Variants in ZFYVE28 observed in about 807,000 individuals in gnomAD.
ZFYVE28 encodes the protein zinc finger FYVE-type containing 28.
Under a neutral mutation model 82.1 loss-of-function variants are expected in ZFYVE28, and 40 were observed. The ratio of observed to expected loss-of-function variants is 0.49; its 90% confidence interval spans 0.38 to 0.63. The LOEUF (loss-of-function observed/expected upper bound fraction) is 0.63, where lower values mean the gene tolerates loss of function less well. ZFYVE28 is among the 30% of genes least tolerant of loss of function. ZFYVE28 has a pLI of 0.00. For synonymous variants in ZFYVE28, 612 were observed against 546.1 expected (o/e 1.12, Z -1.68); for missense variants, 1,321 against 1,242.1 (o/e 1.06, Z -0.96).
chr4:2,376,855 G>C (rs1728196167), intron 1 of ZFYVE28, among the ~76,000 whole-genome samples: 1 of 152,018 alleles, frequency 6.6e-6, no homozygotes, highest in African/African-American at 2.4e-5. Flanking sequence ...GAGCCCAGGA[G>C]GTTTAGGCTG....
chr4:2,375,672 G>A (rs1225740901), intron 1 of ZFYVE28, among the ~76,000 whole-genome samples: 1 of 152,056 alleles, frequency 6.6e-6, no homozygotes, highest in Non-Finnish European at 1.5e-5. Context: ...GCGGGACACA[G>A]GACTGTGCCG....
intron 8 of ZFYVE28, among the ~76,000 whole-genome samples, chr4:2,294,209 G>A (rs184138244): frequency 4.6e-5 from 7 of 152,016 alleles, no homozygotes; most frequent in Non-Finnish European, 7.4e-5. Flanking sequence ...TTATTATAAA[G>A]CTACCATATT....
chr4:2,272,546 G>A (rs563748441), intron 10 of ZFYVE28, among the ~76,000 whole-genome samples: 2 of 152,336 alleles, frequency 1.3e-5, no homozygotes, highest in East Asian at 3.9e-4. Flanking sequence ...GTGTGGGTAT[G>A]CGTGAGTACA....
chr4:2,337,415 C>A lies in ZFYVE28; in HGVS notation c.603G>T (p.Thr201=). The part of the protein sequence containing the change: ...QQEVIVLFCE[T]VERALDFGYL... ...AGCATCCCTGTGCTCACCTCTCCACCGTCTCGCAGAAGAGCACGATGACCT... is the reference window on the plus strand; with the variant it reads ...AGCATCCCTGTGCTCACCTCTCCACAGTCTCGCAGAAGAGCACGATGACCT... The change falls in exon 5 of 13, where the codon ACG becomes ACT. Residue 201 remains threonine, a synonymous_variant. Transcript: ENST00000290974. 6.2e-7 allele frequency: 1 copy of A among 1,605,134 alleles called. No homozygotes were observed. The highest frequency in any genetic ancestry group is 1.7e-5 in the Admixed American group (1 of 59,266).
chr4:2,277,143 G>A (rs972699895), intron 8 of ZFYVE28, among the ~76,000 whole-genome samples: 1 of 152,218 alleles, frequency 6.6e-6, no homozygotes, highest in African/African-American at 2.4e-5. Flanking sequence ...ATTTAGAAAG[G>A]TGAATTTTGT....
chr4:2,273,036 T>C, intron 10 of ZFYVE28, 137 bp downstream of exon 10: 6 of 714,246 alleles, frequency 8.4e-6, no homozygotes, highest in Non-Finnish European at 1.2e-5. Flanking sequence ...GGTCAGGGGA[T>C]CCTGGGGTCG....
chr4:2,339,738 C>A lies in ZFYVE28; in HGVS notation c.319-83G>T. 2 of 1,374,104 alleles carry A rather than the reference C, an allele frequency of 1.5e-6. No individual in the cohort carries two copies. Among genetic ancestry groups the A allele is most frequent in the Non-Finnish European group, 9.7e-7 (1 of 1,025,910 alleles). 85.1% of individuals were successfully genotyped at this position (1,374,104 alleles called of 1,614,324 possible). A position where few individuals can be genotyped will look rare whatever the true frequency, so the allele number is the denominator to read the frequency against. ...CGCCGACCCGGGGAACCTGACTGCG[C>A]ACCTCGGGGCCCCTCTTCTCACCCC... On this transcript the variant is annotated intron_variant, in intron 3 of 12. Transcript: ENST00000290974. This position sits in a 1 kb window ranked among gnomAD's most constrained non-coding sequence, Gnocchi z 5.0.
Position 2,364,946 on chromosome 4 carries a change from G to A in ZFYVE28, c.40-10873C>T, listed in dbSNP as rs909171376. On this transcript the variant is annotated intron_variant, in intron 1 of 12. Transcript: ENST00000290974. Reference sequence around the variant, plus strand: ...GGGGGCGGGGCCCAGCAGGGGCGGCGCAGCCTCAGCCACAGAGCCGGGGTG... The same window carrying A: ...GGGGGCGGGGCCCAGCAGGGGCGGCACAGCCTCAGCCACAGAGCCGGGGTG... 136 of 974,644 alleles carry A rather than the reference G, an allele frequency of 1.4e-4. No individual in the cohort carries two copies. The African/African-American group carries it at 1.7e-3, about 12-fold the overall frequency. 60.4% of individuals were successfully genotyped at this position (974,644 alleles called of 1,614,324 possible).
Position 2,368,326 on chromosome 4 carries a change from C to T in ZFYVE28, c.40-14253G>A, listed in dbSNP as rs539997472. Among the ~76,000 whole-genome samples the T allele has an allele frequency of 1.3e-4, 20 of 152,082 alleles. No homozygotes were observed. The South Asian group carries it at 3.7e-3, about 28-fold the overall frequency. ...CTGAAGCGGGAAGATCGCTTGAGCC[C>T]GGGAGGTGGAAGTTAGAGTGAGCTG... On this transcript the variant is annotated intron_variant, in intron 1 of 12. Transcript: ENST00000290974.
chr4:2,314,126 C>T (rs1302523310), intron 7 of ZFYVE28, among the ~76,000 whole-genome samples: 1 of 152,182 alleles, frequency 6.6e-6, no homozygotes, highest in East Asian at 1.9e-4. Context: ...CATCTTCCTA[C>T]TGAATTGCCT....
intron 8 of ZFYVE28, chr4:2,286,564 A>G (rs1046876875): frequency 3.9e-5 from 6 of 152,284 alleles, no homozygotes; most frequent in Non-Finnish European, 8.8e-5. Flanking sequence ...AGCTGTGCTG[A>G]GACAGGCATC....
chr4:2,356,504 C>T (rs941192731), intron 1 of ZFYVE28, among the ~76,000 whole-genome samples: 3 of 151,704 alleles, frequency 2.0e-5, no homozygotes, highest in South Asian at 4.2e-4. Flanking sequence ...CAGAGATGGA[C>T]GGTGGGCACT....
intron 8 of ZFYVE28, among the ~76,000 whole-genome samples, chr4:2,299,158 T>A (rs1469540412): frequency 5.3e-5 from 8 of 152,196 alleles, no homozygotes; most frequent in Non-Finnish European, 1.0e-4. Context: ...CATTTTCAAG[T>A]CCAAAAAGCG....
At chr4:2,296,436 G>A (rs568669625) in intron 8 of ZFYVE28, among the ~76,000 whole-genome samples, 1 of 152,206 alleles carries the variant, frequency 6.6e-6, no homozygotes, top group African/African-American at 2.4e-5. Flanking sequence ...AGGAGGCCCC[G>A]TCACTTATAA....
intron 1 of ZFYVE28, among the ~76,000 whole-genome samples, chr4:2,397,885 T>C (rs1485682638): frequency 2.0e-5 from 3 of 152,112 alleles, no homozygotes; most frequent in Non-Finnish European, 1.5e-5. Flanking sequence ...TGGAGACACT[T>C]TGGAGGCCAC....
At chr4:2,328,442 A>T (rs1317366028) in intron 6 of ZFYVE28, 2 of 152,020 alleles carry the variant, frequency 1.3e-5, no homozygotes, top group Non-Finnish European at 2.9e-5. Context: ...GACTAGAAGA[A>T]TTTTTTTTCT....
rs116473724 is a variant in ZFYVE28 at position 2,408,469 on chromosome 4, C to T, written c.39+9816G>A. On this transcript the variant is annotated intron_variant, in intron 1 of 12. Transcript: ENST00000290974. The surrounding 1 kb of genome is among the most constrained non-coding windows in gnomAD (Gnocchi z 4.3). ...GCTCCACTGCCCTGAGACTCAGCAT[C>T]GGGGAGAAAGCCTGGAGGGGGCCTG... Among the ~76,000 whole-genome samples the T allele has an allele frequency of 4.6e-3, 694 of 152,318 alleles. 8 individuals carry two copies. The highest frequency in any genetic ancestry group is 0.014 in the African/African-American group (594 of 41,576).
At position 2,339,717 on chromosome 4, in the gene ZFYVE28, G is replaced by T; in HGVS notation, c.319-62C>A. On this transcript the variant is annotated intron_variant, in intron 3 of 12. Coordinates refer to ENST00000290974, the MANE Select transcript of ZFYVE28 (RefSeq NM_020972.3). The surrounding 1 kb of genome is among the most constrained non-coding windows in gnomAD (Gnocchi z 5.0). ...GAGGGCCAGGCTCTCAGGGGTCGCC[G>T]ACCCGGGGAACCTGACTGCGCACCT... The T allele has an allele frequency of 2.0e-6, 3 of 1,487,662 alleles. No homozygotes were observed. Among genetic ancestry groups the T allele is most frequent in the South Asian group, 1.3e-5 (1 of 78,634 alleles). The allele number at this position is 1,487,662 out of a possible 1,614,324, so 92.2% of individuals were successfully genotyped here.
At chr4:2,280,026 A>G (rs907134488) in intron 8 of ZFYVE28, among the ~76,000 whole-genome samples, 13 of 152,224 alleles carry the variant, frequency 8.5e-5, no homozygotes, top group African/African-American at 2.9e-4. Context: ...ACATCTCACA[A>G]ACAACAGAAG....
Sources: gnomAD v4.1 joint callset for allele counts (sites outside exome capture counted in the v4.1 genomes callset) on GRCh38, gnomAD v4.1.1 for gene constraint, Gnocchi (gnomAD v3.1) non-coding constraint, MANE v1.5 for transcripts, NCBI Gene and HGNC (gene_info 2026-07-23, HGNC 2026-07-21) for gene names.